Variants in GPC6 observed in about 807,000 individuals in gnomAD.
GPC6 encodes glypican-6.
A neutral mutation model predicts 55.2 loss-of-function variants in GPC6; 14 were observed. The observed-to-expected ratio is 0.25, with a 90% CI of 0.17 to 0.40. GPC6 has a LOEUF of 0.40. GPC6 is among the 10% of genes least tolerant of loss of function. GPC6 has a pLI of 1.00. For missense variants in GPC6, 641 were observed against 708.5 expected, an observed-to-expected ratio of 0.90 and a Z score of 1.08; for synonymous variants, 278 against 259.6, an observed-to-expected ratio of 1.07 and a Z score of -0.68.
chr13:93,908,370 C>A (rs1429597422), intron 3 of GPC6, among the ~76,000 whole-genome samples: 1 of 152,166 alleles, frequency 6.6e-6, no homozygotes. Flanking sequence ...GATTAGAGCA[C>A]AAATGAGTCC....
At chr13:93,392,606 T>C (rs896947881) in intron 1 of GPC6, among the ~76,000 whole-genome samples, 1 of 152,208 alleles carries the variant, frequency 6.6e-6, no homozygotes, top group African/African-American at 2.4e-5. Flanking sequence ...GCATCATACT[T>C]CCTGCTGGAA....
At chr13:94,216,356 TGTTG>T (rs910354823) in intron 4 of GPC6, among the ~76,000 whole-genome samples, 21 of 152,250 alleles carry the variant, frequency 1.4e-4, no homozygotes, top group Admixed American at 9.8e-4. Flanking sequence ...GTTGGGATTT[TGTTG>T]GTTGGTTTGT....
At chr13:93,713,444 T>C (rs1456853815) in intron 2 of GPC6, among the ~76,000 whole-genome samples, 1 of 151,596 alleles carries the variant, frequency 6.6e-6, no homozygotes, top group African/African-American at 2.4e-5. Flanking sequence ...TAAATAACAA[T>C]GTCAGAAACA....
chr13:93,543,259 T>G (rs533583198), intron 1 of GPC6, among the ~76,000 whole-genome samples: 1 of 152,318 alleles, frequency 6.6e-6, no homozygotes, highest in East Asian at 1.9e-4. Flanking sequence ...GTCAAAGGCC[T>G]TTTCTGCCTC....
chr13:93,497,058 T>C (rs1880328999), intron 1 of GPC6, among the ~76,000 whole-genome samples: 1 of 152,212 alleles, frequency 6.6e-6, no homozygotes, highest in Non-Finnish European at 1.5e-5. Context: ...TGTGAGATGA[T>C]GACACTGATG....
intron 1 of GPC6, among the ~76,000 whole-genome samples, chr13:93,366,219 G>GA (rs1881242187): frequency 6.6e-6 from 1 of 151,966 alleles, no homozygotes; most frequent in Non-Finnish European, 1.5e-5. Flanking sequence ...AATTTACATG[G>GA]AAAAACCCCA....
At chr13:94,382,960 T>C (rs1474645933) in intron 7 of GPC6, among the ~76,000 whole-genome samples, 1 of 152,216 alleles carries the variant, frequency 6.6e-6, no homozygotes, top group African/African-American at 2.4e-5. Context: ...ACTGTTTTTT[T>C]CACTCTTGTT....
chr13:93,739,529 G>A (rs1035113717), intron 2 of GPC6, among the ~76,000 whole-genome samples: 5 of 150,828 alleles, frequency 3.3e-5, no homozygotes, highest in African/African-American at 9.8e-5. Flanking sequence ...TCCCGGGTTC[G>A]CGCCATTCTC....
intron 4 of GPC6, among the ~76,000 whole-genome samples, chr13:94,204,023 A>G (rs1889831899): frequency 6.6e-6 from 1 of 152,204 alleles, no homozygotes; most frequent in Non-Finnish European, 1.5e-5. Context: ...GTTTAAACAT[A>G]TAACTTTGAA....
chr13:93,362,646 G>C (rs1881081442), intron 1 of GPC6, among the ~76,000 whole-genome samples: 1 of 151,910 alleles, frequency 6.6e-6, no homozygotes, highest in African/African-American at 2.4e-5. Flanking sequence ...CTTATTCACA[G>C]AGGGAGAGAG....
At chr13:93,281,854 T>G (rs1009817077) in intron 1 of GPC6, among the ~76,000 whole-genome samples, 7 of 152,114 alleles carry the variant, frequency 4.6e-5, no homozygotes, top group African/African-American at 1.7e-4. Flanking sequence ...AACTCCAATA[T>G]GCACCTATTC....
At chr13:94,157,412 G>T (rs1427244681) in intron 4 of GPC6, among the ~76,000 whole-genome samples, 1 of 152,074 alleles carries the variant, frequency 6.6e-6, no homozygotes, top group South Asian at 2.1e-4. Context: ...AGAAACCTTC[G>T]TGATAGGAGT....
chr13:94,259,102 C>T (rs2139047319), intron 4 of GPC6, among the ~76,000 whole-genome samples: 1 of 152,052 alleles, frequency 6.6e-6, no homozygotes, highest in South Asian at 2.1e-4. Flanking sequence ...GGAAACGGTT[C>T]CCAGAAATCC....
chr13:94,236,580 A>G (rs1890883080), intron 4 of GPC6, among the ~76,000 whole-genome samples: 1 of 152,302 alleles, frequency 6.6e-6, no homozygotes, highest in East Asian at 1.9e-4. Flanking sequence ...ATGAAGATTG[A>G]AGGGAGTAAG....
chr13:93,505,671 T>C (rs1430587022), intron 1 of GPC6, among the ~76,000 whole-genome samples: 1 of 152,206 alleles, frequency 6.6e-6, no homozygotes, highest in East Asian at 1.9e-4. Context: ...AGCACAAAAA[T>C]GCAAAAGAAT....
intron 4 of GPC6, among the ~76,000 whole-genome samples, chr13:94,084,885 A>T (rs940015500): frequency 1.3e-5 from 2 of 152,162 alleles, no homozygotes; most frequent in African/African-American, 4.8e-5. Context: ...AGGAGTTGGA[A>T]ATCTCATGGC....
chr13:94,318,531 T>C (rs1555319311), intron 6 of GPC6, among the ~76,000 whole-genome samples: 2 of 152,220 alleles, frequency 1.3e-5, no homozygotes, highest in Non-Finnish European at 2.9e-5. Flanking sequence ...TATTGTGTAA[T>C]ACTCACCCTT....
chr13:93,817,460 T>C (rs1886892901), intron 2 of GPC6, among the ~76,000 whole-genome samples: 1 of 152,276 alleles, frequency 6.6e-6, no homozygotes, highest in Admixed American at 6.5e-5. Flanking sequence ...ACTATTTCCT[T>C]TTATTAGTGT....
intron 1 of GPC6, among the ~76,000 whole-genome samples, chr13:93,455,999 G>A (rs10454518): frequency 0.19 from 28,507 of 152,006 alleles, 3,048 homozygotes; most frequent in Non-Finnish European, 0.24. Flanking sequence ...TTTTTTAGAC[G>A]GCATTTCTTT....
Sources: allele counts gnomAD v4.1 joint callset (sites outside exome capture counted in the v4.1 genomes callset), GRCh38; gene constraint gnomAD v4.1.1; transcripts MANE v1.5; gene names NCBI Gene and HGNC (gene_info 2026-07-23, HGNC 2026-07-21).